SLC8A1: variants seen among roughly 807,000 people sequenced by gnomAD.
The protein encoded by SLC8A1 is sodium/calcium exchanger 1.
SLC8A1 carries 18 observed loss-of-function variants against 68.3 expected under a neutral mutation model. The ratio of observed to expected loss-of-function variants is 0.26; its 90% CI spans 0.18 to 0.39. SLC8A1 has a LOEUF of 0.39. SLC8A1 is among the 10% of genes least tolerant of loss of function. The probability of loss-of-function intolerance (pLI) is 1.00; values close to 1 mark genes in which losing one functional copy is unlikely to be tolerated. For missense variants in SLC8A1, 985 were observed against 1,156.7 expected, an observed-to-expected ratio of 0.85 and a Z score of 2.15; for synonymous variants, 475 against 415.5, an observed-to-expected ratio of 1.14 and a Z score of -1.74.
exon 8 of SLC8A1, chr2:40,111,106 ATG>A (rs1038993879): frequency 1.6e-4 from 24 of 152,278 alleles, no homozygotes; most frequent in African/African-American, 5.8e-4. Flanking sequence ...TAAAAATTTT[ATG>A]TTTGAAAAGC....
intron 2 of SLC8A1, among the ~76,000 whole-genome samples, chr2:40,301,018 C>A (rs1212517107): frequency 2.6e-5 from 4 of 151,878 alleles, no homozygotes; most frequent in African/African-American, 9.7e-5. Context: ...GTGGTTGATC[C>A]CTACAATTTT....
At chr2:40,248,358 G>A in intron 2 of SLC8A1, among the ~76,000 whole-genome samples, 1 of 152,120 alleles carries the variant, frequency 6.6e-6, no homozygotes, top group East Asian at 1.9e-4. Flanking sequence ...TTTGGGAAGT[G>A]ATTAGGTCAC....
chr2:40,172,606 TA>T (rs1274788477), intron 4 of SLC8A1, among the ~76,000 whole-genome samples: 1 of 151,870 alleles, frequency 6.6e-6, no homozygotes, highest in East Asian at 1.9e-4. Flanking sequence ...CCTGAGATAT[TA>T]AAAGGGAGGA....
chr2:40,120,111 A>G (rs922978879), intron 7 of SLC8A1, among the ~76,000 whole-genome samples: 1 of 152,238 alleles, frequency 6.6e-6, no homozygotes, highest in African/African-American at 2.4e-5. Context: ...CTGCAAAAAA[A>G]GGTCATTCTC....
chr2:40,157,066 C>A (rs2044672223), intron 6 of SLC8A1, among the ~76,000 whole-genome samples: 1 of 152,108 alleles, frequency 6.6e-6, no homozygotes, highest in Non-Finnish European at 1.5e-5. Flanking sequence ...ATGCATGATA[C>A]CATGAAAGAA....
chr2:40,437,358 C>T (rs186963834), intron 1 of SLC8A1, among the ~76,000 whole-genome samples: 1 of 152,210 alleles, frequency 6.6e-6, no homozygotes, highest in African/African-American at 2.4e-5. Flanking sequence ...TCCACTCCTG[C>T]CTGATGCCTT....
At chr2:40,365,797 TC>T (rs921477261) in intron 2 of SLC8A1, among the ~76,000 whole-genome samples, 44 of 151,840 alleles carry the variant, frequency 2.9e-4, no homozygotes, top group Non-Finnish European at 1.5e-5. Context: ...GGCCAGGAGT[TC>T]AAGACCAAAC....
chr2:40,214,259 A>C (rs1427910274), intron 2 of SLC8A1, among the ~76,000 whole-genome samples: 2 of 152,124 alleles, frequency 1.3e-5, no homozygotes, highest in African/African-American at 4.8e-5. Flanking sequence ...AGTTTTCCTC[A>C]CAGTCTCTGG....
chr2:40,307,146 TACACAC>T (rs144335092), intron 2 of SLC8A1, among the ~76,000 whole-genome samples: 45 of 148,172 alleles, frequency 3.0e-4, no homozygotes, highest in Admixed American at 2.9e-3. Context: ...AAATGTGATA[TACACAC>T]ACACACACAC....
chr2:40,103,475 A>G (rs1412285718), exon 8 of SLC8A1: 1 of 152,190 alleles, frequency 6.6e-6, no homozygotes, highest in African/African-American at 2.4e-5. Flanking sequence ...ATCTTCCTTT[A>G]GAATAATTAC....
intron 2 of SLC8A1, among the ~76,000 whole-genome samples, chr2:40,426,592 GAA>G (rs982674618): frequency 6.6e-6 from 1 of 151,980 alleles, no homozygotes; most frequent in Non-Finnish European, 1.5e-5. Flanking sequence ...AATAGATAGG[GAA>G]AGACTGCTTT....
intron 2 of SLC8A1, among the ~76,000 whole-genome samples, chr2:40,351,576 T>G (rs1323991214): frequency 7.3e-6 from 1 of 136,172 alleles, no homozygotes; most frequent in African/African-American, 3.0e-5. Flanking sequence ...GCATACTGAA[T>G]GTTGCATCCA....
intron 1 of SLC8A1, among the ~76,000 whole-genome samples, chr2:40,441,554 G>A (rs1270343568): frequency 6.6e-6 from 1 of 151,390 alleles, no homozygotes; most frequent in African/African-American, 2.4e-5. Flanking sequence ...TACGGTACGG[G>A]TACCAAAACA....
exon 8 of SLC8A1, chr2:40,115,415 G>T: frequency 6.2e-7 from 1 of 1,614,118 alleles, no homozygotes; most frequent in Non-Finnish European, 8.5e-7. Context: ...CCCCCACATT[G>T]ATGAAAGCAA....
intron 6 of SLC8A1, among the ~76,000 whole-genome samples, chr2:40,149,009 C>T (rs779764383): frequency 6.6e-6 from 1 of 152,150 alleles, no homozygotes. Flanking sequence ...TATCAGCCAT[C>T]TGGAAAATCT....
At chr2:40,458,517 T>G (rs1206823741) in intron 1 of SLC8A1, among the ~76,000 whole-genome samples, 1 of 152,160 alleles carries the variant, frequency 6.6e-6, no homozygotes, top group Non-Finnish European at 1.5e-5. Flanking sequence ...CTCTCTCCAG[T>G]GCAAATTGCA....
At chr2:40,285,062 G>C (rs1442884010) in intron 2 of SLC8A1, among the ~76,000 whole-genome samples, 1 of 152,060 alleles carries the variant, frequency 6.6e-6, no homozygotes, top group Non-Finnish European at 1.5e-5. Flanking sequence ...TGGTCAGCTG[G>C]ACTCCAGGAA....
intron 2 of SLC8A1, among the ~76,000 whole-genome samples, chr2:40,226,446 A>G (rs1209544417): frequency 6.6e-6 from 1 of 152,124 alleles, no homozygotes; most frequent in Non-Finnish European, 1.5e-5. Context: ...GGAATCATGC[A>G]TCTGCCAAGG....
At chr2:40,240,619 A>G (rs547502854) in intron 2 of SLC8A1, among the ~76,000 whole-genome samples, 1 of 152,386 alleles carries the variant, frequency 6.6e-6, no homozygotes, top group South Asian at 2.1e-4. Context: ...AAATACACAG[A>G]TATATAAGCT....
Sources: gnomAD v4.1 joint callset for allele counts (sites outside exome capture counted in the v4.1 genomes callset) on GRCh38, gnomAD v4.1.1 for gene constraint, MANE v1.5 for transcripts, NCBI Gene and HGNC (gene_info 2026-07-23, HGNC 2026-07-21) for gene names.